Variants in EYS observed in about 807,000 individuals in gnomAD.
EYS encodes protein eyes shut homolog.
In EYS, 250 loss-of-function variants were observed where a neutral mutation model predicts 282.1. The observed-to-expected ratio is 0.89, with a 90% CI of 0.80 to 0.98. The LOEUF is 0.98. Ranked by LOEUF, EYS falls within the 50% of genes least tolerant of loss-of-function variation. The pLI, the probability that EYS is intolerant of heterozygous loss-of-function variation, is 0.00. For missense variants in EYS, 4,016 were observed against 3,709.0 expected (o/e 1.08, Z -2.15); for synonymous variants, 1,355 against 1,282.9 (o/e 1.06, Z -1.20).
At chr6:65,466,056 G>A (rs1764988123) in intron 5 of EYS, among the ~76,000 whole-genome samples, 1 of 151,986 alleles carries the variant, frequency 6.6e-6, no homozygotes. Context: ...ATGTTAATGG[G>A]ACAGAGAATT....
intron 5 of EYS, among the ~76,000 whole-genome samples, chr6:65,483,916 A>C (rs1765694528): frequency 1.3e-5 from 2 of 152,040 alleles, no homozygotes; most frequent in Admixed American, 1.3e-4. Context: ...CTCTCGTGAG[A>C]CTTATTCACT....
chr6:63,781,475 A>G (rs1355161805), intron 39 of EYS, among the ~76,000 whole-genome samples: 1 of 152,072 alleles, frequency 6.6e-6, no homozygotes, highest in Non-Finnish European at 1.5e-5. Flanking sequence ...ATCCCTTGTA[A>G]GTTGGATTCC....
At chr6:65,654,416 C>G (rs1339592626) in intron 1 of EYS, among the ~76,000 whole-genome samples, 2 of 151,678 alleles carry the variant, frequency 1.3e-5, no homozygotes, top group South Asian at 2.1e-4. Context: ...CTTTGACAAC[C>G]CAAAGATTTT....
chr6:64,865,123 A>G (rs1375642973), intron 19 of EYS, among the ~76,000 whole-genome samples: 2 of 152,188 alleles, frequency 1.3e-5, no homozygotes, highest in Non-Finnish European at 2.9e-5. Context: ...CTTTATAACA[A>G]TCTATATATT....
intron 29 of EYS, among the ~76,000 whole-genome samples, chr6:64,360,842 G>C (rs1771979052): frequency 6.6e-6 from 1 of 151,736 alleles, no homozygotes; most frequent in South Asian, 2.1e-4. Context: ...CTTAAAGAAA[G>C]ACAGATTTTA....
chr6:65,070,710 C>T (rs1319331177), intron 12 of EYS, among the ~76,000 whole-genome samples: 2 of 151,570 alleles, frequency 1.3e-5, no homozygotes, highest in African/African-American at 4.8e-5. Context: ...ATTAGGTCCC[C>T]CTCCTTTGTG....
chr6:64,721,628 C>G (rs562150127), intron 22 of EYS, among the ~76,000 whole-genome samples: 57 of 152,134 alleles, frequency 3.7e-4, no homozygotes, highest in African/African-American at 1.3e-3. Flanking sequence ...TTATTCTACT[C>G]TGTCATTTTT....
intron 14 of EYS, among the ~76,000 whole-genome samples, chr6:64,968,896 T>G (rs1770194137): frequency 1.3e-5 from 2 of 152,184 alleles, no homozygotes; most frequent in South Asian, 4.1e-4. Flanking sequence ...CAATCATTGC[T>G]TTATATGAAG....
chr6:65,546,717 G>A (rs754371874), intron 2 of EYS, among the ~76,000 whole-genome samples: 14 of 151,816 alleles, frequency 9.2e-5, no homozygotes, highest in South Asian at 2.1e-4. Context: ...GATTACAGGC[G>A]CCTGCTACCA....
chr6:65,312,936 G>A (rs1219156162), intron 11 of EYS, among the ~76,000 whole-genome samples: 12 of 152,138 alleles, frequency 7.9e-5, no homozygotes, highest in Admixed American at 2.6e-4. Flanking sequence ...TTATCACTGC[G>A]TTGTCACTTC....
intron 30 of EYS, among the ~76,000 whole-genome samples, chr6:64,272,436 G>A (rs1472706922): frequency 6.6e-6 from 1 of 152,110 alleles, no homozygotes; most frequent in Non-Finnish European, 1.5e-5. Context: ...CAAATTTAGT[G>A]CTTCCTTCAG....
intron 31 of EYS, among the ~76,000 whole-genome samples, chr6:64,091,108 T>C (rs925907316): frequency 6.6e-6 from 1 of 152,180 alleles, no homozygotes; most frequent in Non-Finnish European, 1.5e-5. Flanking sequence ...ACTTTGAACA[T>C]TCATTAATTT....
intron 30 of EYS, among the ~76,000 whole-genome samples, chr6:64,285,553 C>T (rs747755546): frequency 1.3e-5 from 2 of 152,140 alleles, no homozygotes; most frequent in African/African-American, 4.8e-5. Context: ...TCTTCTGAGC[C>T]CTCCAAAGTT....
chr6:65,658,706 C>T (rs1767905702), intron 1 of EYS, among the ~76,000 whole-genome samples: 1 of 151,478 alleles, frequency 6.6e-6, no homozygotes, highest in Non-Finnish European at 1.5e-5. Context: ...AATTATGATA[C>T]ACATGTAACA....
chr6:65,153,300 C>G (rs1764657316), intron 12 of EYS, among the ~76,000 whole-genome samples: 1 of 150,560 alleles, frequency 6.6e-6, no homozygotes, highest in Admixed American at 6.7e-5. Flanking sequence ...AAGGAAGAGC[C>G]TAAGCAAAGG....
intron 28 of EYS, among the ~76,000 whole-genome samples, chr6:64,401,776 A>G (rs1405807645): frequency 1.3e-5 from 2 of 152,072 alleles, no homozygotes; most frequent in Admixed American, 1.3e-4. Flanking sequence ...TATTCAAGTA[A>G]TTTCCACAGG....
Position 64,675,430 on chromosome 6 carries a change from T to TTC in EYS, c.3444-49186_3444-49185insGA, listed in dbSNP as rs1288322884. Among the ~76,000 whole-genome samples, 93 of 138,960 alleles carry TTC rather than the reference T, an allele frequency of 6.7e-4. 1 individual carries two copies. The South Asian group carries it at 0.011, about 16-fold the overall frequency. 91.2% of individuals were successfully genotyped at this position (138,960 alleles called of 152,430 possible). ...TTTTCCTGTTTCTCTTTTTTTTTCT[T>TTC]TTTTTTTTTTTTTTTGAGATGGAGT... On this transcript the variant is annotated intron_variant, in intron 22 of 42. Transcript: ENST00000503581.
chr6:63,833,810 T>C (rs1172137735), intron 36 of EYS, among the ~76,000 whole-genome samples: 3 of 151,294 alleles, frequency 2.0e-5, no homozygotes, highest in African/African-American at 4.8e-5. Context: ...CTTCAAACTA[T>C]ACTACAAGGC....
chr6:63,940,584 A>G (rs1219832532), intron 35 of EYS, among the ~76,000 whole-genome samples: 1 of 152,176 alleles, frequency 6.6e-6, no homozygotes, highest in African/African-American at 2.4e-5. Context: ...AAAAAACATC[A>G]GGATAACAGG....
Sources: allele counts gnomAD v4.1 joint callset (sites outside exome capture counted in the v4.1 genomes callset), GRCh38; gene constraint gnomAD v4.1.1; transcripts MANE v1.5; gene names NCBI Gene and HGNC (gene_info 2026-07-23, HGNC 2026-07-21).